The following ANKRD36B variants were observed in gnomAD, a reference collection of about 807,000 sequenced individuals.
The protein encoded by ANKRD36B is ankyrin repeat domain 36B, also known as ankyrin repeat domain-containing protein 36B.
ANKRD36B carries 37 observed loss-of-function variants against 135.7 expected under a neutral mutation model. That is an observed-to-expected ratio of 0.27 (90% CI 0.21 to 0.36). The LOEUF (loss-of-function observed/expected upper bound fraction) is 0.36. ANKRD36B is among the 10% of genes least tolerant of loss of function. The probability of loss-of-function intolerance (pLI) is 1.00; values close to 1 mark genes in which losing one functional copy is unlikely to be tolerated. For missense variants in ANKRD36B, 549 were observed against 1,037.1 expected (o/e 0.53, Z 6.46); for synonymous variants, 179 against 348.1 (o/e 0.51, Z 5.41).
rs201849008 is a variant in ANKRD36B, at chr2:97,530,785, G to A, written c.2265+1526C>T. On this transcript the variant is annotated intron_variant, in intron 35 of 43. Transcript: ENST00000359901. Reference sequence around the variant, plus strand: ...CTTCTCAAAAGAAGACATTTATGCAGCCAAAAAACACATGAAAAAATGCTC... The same window carrying A: ...CTTCTCAAAAGAAGACATTTATGCAACCAAAAAACACATGAAAAAATGCTC... 1.7e-3 allele frequency among the ~76,000 whole-genome samples: 161 copies of A among 93,060 alleles called. 2 individuals are homozygous for A. Among genetic ancestry groups the A allele is most frequent in the East Asian group, 3.5e-3 (14 of 3,984 alleles). 61.1% of individuals were successfully genotyped at this position (93,060 alleles called of 152,430 possible). A position where few individuals can be genotyped will look rare whatever the true frequency, so the allele number is the denominator to read the frequency against.
At chr2:97,549,180 A>T (rs774399412) in intron 20 of ANKRD36B, among the ~76,000 whole-genome samples, 1 of 151,838 alleles carries the variant, frequency 6.6e-6, no homozygotes, top group Non-Finnish European at 1.5e-5. Flanking sequence ...TGCTCTCCAT[A>T]TATCTTCTTC....
At chr2:97,582,521 C>T (rs1195763240) in intron 3 of ANKRD36B, among the ~76,000 whole-genome samples, 2 of 151,992 alleles carry the variant, frequency 1.3e-5, no homozygotes, top group East Asian at 3.9e-4. Flanking sequence ...GCACAGCATC[C>T]AAAACCTGAG....
intron 6 of ANKRD36B, among the ~76,000 whole-genome samples, chr2:97,576,155 C>T (rs1326491926): frequency 1.3e-5 from 2 of 150,832 alleles, no homozygotes; most frequent in Non-Finnish European, 3.0e-5. Context: ...ATCTAGAATA[C>T]TAGGAACGAT....
At position 97,580,563 on chromosome 2, in the gene ANKRD36B, T is replaced by C. The variant is rs2082565663; in HGVS notation, c.456A>G (p.Glu152=). The change falls in exon 4 of 44, where the codon GAA becomes GAG. Residue 152 remains glutamate (E), a synonymous_variant. Coordinates refer to ENST00000359901, the MANE Select transcript of ANKRD36B (RefSeq NM_001393939.1). ...GTNIEECSKN[E]YQPLLLAVSR... is the part of the protein sequence containing the mutation. Reference sequence around the variant, plus strand: ...TCACAGCAAGTAACAGTGGCTGATATTCATTCTGTAAAATAACAGCAACAA... The same window carrying C: ...TCACAGCAAGTAACAGTGGCTGATACTCATTCTGTAAAATAACAGCAACAA... The C allele has an allele frequency of 1.3e-6, 2 of 1,540,446 alleles. No homozygotes were observed. Among genetic ancestry groups the C allele is most frequent in the Non-Finnish European group, 8.8e-7 (1 of 1,142,214 alleles).
chr2:97,575,786 T>C (rs1437932289), intron 6 of ANKRD36B, among the ~76,000 whole-genome samples: 4 of 152,100 alleles, frequency 2.6e-5, no homozygotes, highest in Non-Finnish European at 5.9e-5. Flanking sequence ...CGTGGATGGG[T>C]GAACACCTTA....
chr2:97,567,424 C>A (rs911530204), intron 6 of ANKRD36B, among the ~76,000 whole-genome samples: 2 of 151,636 alleles, frequency 1.3e-5, no homozygotes, highest in African/African-American at 4.8e-5. Context: ...TCTAATCACA[C>A]CCTGATCACT....
chr2:97,528,854 G>A (rs1224103500), intron 35 of ANKRD36B, among the ~76,000 whole-genome samples: 1 of 95,592 alleles, frequency 1.0e-5, no homozygotes, highest in African/African-American at 3.1e-5. Context: ...ACTAAACCAG[G>A]AAGAAGTTGA....
At chr2:97,557,158 T>G (rs946019122) in intron 10 of ANKRD36B, 26 bp from the exon 11 acceptor site, 13 of 1,508,534 alleles carry the variant, frequency 8.6e-6, no homozygotes, top group Non-Finnish European at 1.2e-5. Flanking sequence ...AATATATAAT[T>G]CATCATATGT....
In ANKRD36B at chr2:97,556,898, T is replaced by A. The variant is rs755647279; in HGVS notation, c.1069+39A>T. The A allele has an allele frequency of 1.9e-6, 3 of 1,554,224 alleles. No homozygotes were observed. The East Asian group carries it at 7.2e-5, about 37-fold the overall frequency. On this transcript the variant is annotated intron_variant, in intron 12 of 43. Coordinates refer to ENST00000359901, the MANE Select transcript of ANKRD36B (RefSeq NM_001393939.1). Reference sequence around the variant, plus strand: ...CAGGGGTGGGACGTTCTCTTCTGTCTTGAGTGCACATGACATTAAATGTGT... The same window carrying A: ...CAGGGGTGGGACGTTCTCTTCTGTCATGAGTGCACATGACATTAAATGTGT...
At chr2:97,554,998 G>A in intron 14 of ANKRD36B, 62 bp downstream of exon 14, 1 of 1,569,196 alleles carries the variant, frequency 6.4e-7, no homozygotes, top group Non-Finnish European at 8.7e-7. Context: ...GATTTATTTG[G>A]GGAAGAGAAG....
chr2:97,556,990 A>G lies in ANKRD36B; in HGVS notation c.1016T>C (p.Val339Ala), dbSNP rs1179862753. Residue 339 changes from valine (V) to alanine (A), a missense_variant, in exon 12 of 44, where the codon GTT becomes GCT. Coordinates refer to ENST00000359901, the MANE Select transcript of ANKRD36B (RefSeq NM_001393939.1). Reference protein sequence around the residue: ...SAQKVIFKKKVSLLNIATRIM... With the variant: ...SAQKVIFKKKASLLNIATRIM... ...TCTTGTGGCAATATTCAAAAGAGAA[A>G]CTTTCTTTTTAAATATAACCTGAAT... The G allele has an allele frequency of 6.4e-7, 1 of 1,574,724 alleles. No individual in the cohort carries two copies. The highest frequency in any genetic ancestry group is 8.6e-7 in the Non-Finnish European group (1 of 1,160,200).
At chr2:97,547,833 T>C in intron 20 of ANKRD36B, 102 bp from the exon 21 acceptor site, 1 of 1,475,090 alleles carries the variant, frequency 6.8e-7, no homozygotes, top group Non-Finnish European at 9.2e-7. Flanking sequence ...CCTGCCTGTA[T>C]TAGCATAGGC....
chr2:97,556,161 A>G (rs1340022112), intron 12 of ANKRD36B, among the ~76,000 whole-genome samples: 1 of 151,958 alleles, frequency 6.6e-6, no homozygotes, highest in African/African-American at 2.4e-5. Flanking sequence ...ATGAAAAAGC[A>G]TTCGGAAAAT....
At chr2:97,569,141 T>C (rs1401685712) in intron 6 of ANKRD36B, among the ~76,000 whole-genome samples, 1 of 152,132 alleles carries the variant, frequency 6.6e-6, no homozygotes, top group Non-Finnish European at 1.5e-5. Flanking sequence ...GTACACAGCA[T>C]GAAGTCATTT....
At chr2:97,552,700 C>T (rs1391797734) in intron 16 of ANKRD36B, among the ~76,000 whole-genome samples, 6 of 151,908 alleles carry the variant, frequency 3.9e-5, no homozygotes, top group Non-Finnish European at 7.4e-5. Flanking sequence ...GACAATCCCT[C>T]GTCCTTGGGA....
In ANKRD36B at chr2:97,529,593, A is replaced by T. The variant is rs2078444520; in HGVS notation, c.2265+2718T>A. 2.1e-5 allele frequency among the ~76,000 whole-genome samples: 2 copies of T among 95,974 alleles called. 1 individual carries two copies. Among genetic ancestry groups the T allele is most frequent in the Non-Finnish European group, 5.5e-5 (2 of 36,232 alleles). 63.0% of individuals were successfully genotyped at this position (95,974 alleles called of 152,430 possible). A position where few individuals can be genotyped will look rare whatever the true frequency, so the allele number is the denominator to read the frequency against. On this transcript the variant is annotated intron_variant, in intron 35 of 43. Coordinates refer to ENST00000359901, the MANE Select transcript of ANKRD36B (RefSeq NM_001393939.1). ...AGAAGGAAATAAAGGGTATTCAATTAGGAAAAGAGGAAGTCAAAATGTCCC... is the reference window on the plus strand; with the variant it reads ...AGAAGGAAATAAAGGGTATTCAATTTGGAAAAGAGGAAGTCAAAATGTCCC...
intron 6 of ANKRD36B, among the ~76,000 whole-genome samples, chr2:97,566,854 T>C (rs2081476043): frequency 6.6e-6 from 1 of 152,122 alleles, no homozygotes; most frequent in South Asian, 2.1e-4. Context: ...TATGTATTTT[T>C]CCCCAGCAAC....
Position 97,557,112 on chromosome 2 carries a change from C to A in ANKRD36B, c.988G>T (p.Ala330Ser), listed in dbSNP as rs779970782. The change falls in exon 11 of 44, where the codon GCC becomes TCC. Residue 330 changes from alanine (A) to serine (S), a missense_variant. Physicochemically the swap from Ala to Ser is moderately conservative, Grantham distance 99 (BLOSUM62 1). Coordinates refer to ENST00000359901, the MANE Select transcript of ANKRD36B (RefSeq NM_001393939.1). Reference protein sequence around the residue: ...SGTVSPQKQSAQKVIFKKKVS... With the variant: ...SGTVSPQKQSSQKVIFKKKVS... ...AATGAAAGAGTAACTACCTTCTGGGCCGATTGTTTCTGAGGAGACACTGAA... is the reference window on the plus strand; with the variant it reads ...AATGAAAGAGTAACTACCTTCTGGGACGATTGTTTCTGAGGAGACACTGAA... The A allele has an allele frequency of 7.8e-6, 12 of 1,542,852 alleles. No homozygotes were observed. The South Asian group carries it at 1.2e-4, about 15-fold the overall frequency.
At chr2:97,564,018 G>C (rs567133433) in intron 6 of ANKRD36B, among the ~76,000 whole-genome samples, 1 of 151,848 alleles carries the variant, frequency 6.6e-6, no homozygotes, top group East Asian at 1.9e-4. Flanking sequence ...ATTTTACAAA[G>C]ACCAAGTTGC....
Sources: gnomAD v4.1 joint callset for allele counts (sites outside exome capture counted in the v4.1 genomes callset) on GRCh38, gnomAD v4.1.1 for gene constraint, MANE v1.5 for transcripts, NCBI Gene and HGNC (gene_info 2026-07-23, HGNC 2026-07-21) for gene names.